Variants in CHD9 observed in about 807,000 individuals in gnomAD.
The protein encoded by CHD9 is ATP-dependent chromatin remodeler CHD9.
In CHD9, 77 loss-of-function variants were observed where a neutral mutation model predicts 316.1. The observed-to-expected ratio is 0.24, with a 90% CI of 0.20 to 0.29. The LOEUF (loss-of-function observed/expected upper bound fraction) is 0.29, where lower values mean the gene tolerates loss of function less well. CHD9 is among the 10% of genes least tolerant of loss of function. CHD9 has a pLI of 1.00. For synonymous variants in CHD9, 1,129 were observed against 1,158.3 expected (o/e 0.97, Z 0.51); for missense variants, 2,763 against 3,438.1 (o/e 0.80, Z 4.91).
At chr16:53,319,869 C>T in intron 37 of CHD9, 1 of 1,225,700 alleles carries the variant, frequency 8.2e-7, no homozygotes, top group Non-Finnish European at 1.1e-6. Context: ...TCCCCATAAA[C>T]CCCCAAGAGG....
chr16:53,326,389 T>C lies in CHD9; in HGVS notation c.*1494T>C, dbSNP rs1567699757. The C allele has an allele frequency of 6.6e-6, 1 of 152,488 alleles. No individual in the cohort carries two copies. The highest frequency in any genetic ancestry group is 1.5e-5 in the Non-Finnish European group (1 of 67,926). 9.4% of individuals were successfully genotyped at this position (152,488 alleles called of 1,614,324 possible). On this transcript the variant is annotated 3_prime_UTR_variant, in exon 39 of 39. Coordinates refer to ENST00000447540, the MANE Select transcript of CHD9 (RefSeq NM_001308319.2). ...TCCCAGTTCTCTCCTACAGAAAAAA[T>C]ACTTTCAGTATGTTTTGATAAAACT...
intron 1 of CHD9, among the ~76,000 whole-genome samples, chr16:53,153,170 A>C (rs2041252950): frequency 6.6e-6 from 1 of 152,238 alleles, no homozygotes; most frequent in Non-Finnish European, 1.5e-5. Context: ...CAATTTCAAG[A>C]GAGAATGGCA....
intron 1 of CHD9, among the ~76,000 whole-genome samples, chr16:53,130,625 G>A (rs962380272): frequency 4.0e-5 from 6 of 151,426 alleles, no homozygotes; most frequent in Admixed American, 6.6e-5. Context: ...TCCCCGCCCC[G>A]AGGCCGCCCA....
In CHD9 at chr16:53,163,368, G is replaced by A. The variant is rs560909029; in HGVS notation, c.1452+5827G>A. On this transcript the variant is annotated intron_variant, in intron 2 of 38. Coordinates refer to ENST00000447540, the MANE Select transcript of CHD9 (RefSeq NM_001308319.2). ...TGGGATTACAGGAATGCGCCACCAC[G>A]CCCGGCTAATTTTGTATTTTTAGTA... Among the ~76,000 whole-genome samples, 10 of 152,094 alleles carry A rather than the reference G, an allele frequency of 6.6e-5. No individual in the cohort carries two copies. In the East Asian group the frequency reaches 9.7e-4, roughly 15 times the overall value.
rs35052198 is a variant in CHD9, at chr16:53,088,275, C to CTTTTTTTTTTTTTTTTTT, written c.-165+33201_-165+33202insTTTTTTTTTTTTTTTTTT. ...CTGTAATCAAGGAAAATGACATGCA[C>CTTTTTTTTTTTTTTTTTT]TTTGTTTTTTTTTTTTTTTTGAGAT... On this transcript the variant is annotated intron_variant, in intron 1 of 38. Coordinates refer to ENST00000447540, the MANE Select transcript of CHD9 (RefSeq NM_001308319.2). 1.6e-5 allele frequency among the ~76,000 whole-genome samples: 2 copies of CTTTTTTTTTTTTTTTTTT among 127,050 alleles called. 1 individual carries two copies. The allele number at this position is 127,050 out of a possible 152,430, so 83.3% of individuals were successfully genotyped here.
intron 24 of CHD9, among the ~76,000 whole-genome samples, chr16:53,277,203 T>C (rs2052929614): frequency 6.6e-6 from 1 of 152,136 alleles, no homozygotes; most frequent in Non-Finnish European, 1.5e-5. Flanking sequence ...TACCAATCCT[T>C]TTGACACTAT....
At chr16:53,285,048 TG>T (rs1395435174) in intron 24 of CHD9, among the ~76,000 whole-genome samples, 1 of 152,178 alleles carries the variant, frequency 6.6e-6, no homozygotes, top group African/African-American at 2.4e-5. Flanking sequence ...ATTACATACA[TG>T]AGCCACTGTG....
At chr16:53,320,005 T>C (rs1304160331) in intron 37 of CHD9, 14 of 320,448 alleles carry the variant, frequency 4.4e-5, no homozygotes. Flanking sequence ...TCTTTAAATA[T>C]ATTATATAAA....
chr16:53,114,527 G>A (rs1442733576), intron 1 of CHD9, among the ~76,000 whole-genome samples: 1 of 151,828 alleles, frequency 6.6e-6, no homozygotes, highest in East Asian at 1.9e-4. Flanking sequence ...CAAAGTGCTG[G>A]GATTACAGGC....
chr16:53,256,256 G>C (rs187979894), intron 19 of CHD9, among the ~76,000 whole-genome samples: 12 of 151,972 alleles, frequency 7.9e-5, no homozygotes, highest in Admixed American at 3.9e-4. Context: ...GAGGTCAGGA[G>C]TATCTAAGTC....
chr16:53,287,048 C>A (rs2053938559), intron 26 of CHD9, among the ~76,000 whole-genome samples: 1 of 152,166 alleles, frequency 6.6e-6, no homozygotes, highest in African/African-American at 2.4e-5. Context: ...CAGCCTTGAC[C>A]TCCCAGGCTC....
At chr16:53,077,965 T>C (rs961453697) in intron 1 of CHD9, among the ~76,000 whole-genome samples, 5 of 152,108 alleles carry the variant, frequency 3.3e-5, no homozygotes, top group Admixed American at 6.5e-5. Context: ...TCCCAGCTAC[T>C]TGGGGAGCTG....
chr16:53,080,246 G>A (rs550581786), intron 1 of CHD9, among the ~76,000 whole-genome samples: 23 of 152,220 alleles, frequency 1.5e-4, no homozygotes, highest in Non-Finnish European at 2.6e-4. Context: ...GGCAAGAAGG[G>A]TTTTTTTCTT....
intron 1 of CHD9, among the ~76,000 whole-genome samples, chr16:53,090,956 C>T (rs1390926647): frequency 1.3e-5 from 2 of 152,154 alleles, no homozygotes; most frequent in Non-Finnish European, 2.9e-5. Context: ...ATTTGCTAGG[C>T]ATCTGCTGCC....
chr16:53,314,045 GC>G (rs1332625304), intron 34 of CHD9, among the ~76,000 whole-genome samples: 4 of 151,868 alleles, frequency 2.6e-5, no homozygotes, highest in African/African-American at 9.7e-5. Context: ...AAAAAAACAA[GC>G]TTTTGAAAGT....
intron 1 of CHD9, among the ~76,000 whole-genome samples, chr16:53,140,779 C>T (rs1256280436): frequency 6.6e-6 from 1 of 152,184 alleles, no homozygotes; most frequent in Non-Finnish European, 1.5e-5. Flanking sequence ...TTTGGAGAGA[C>T]TGGGTCTCGC....
At chr16:53,115,634 A>G (rs189041621) in intron 1 of CHD9, among the ~76,000 whole-genome samples, 3 of 152,362 alleles carry the variant, frequency 2.0e-5, no homozygotes, top group South Asian at 2.1e-4. Context: ...TGCCAGAACA[A>G]TATGGGTATG....
At chr16:53,300,114 G>A (rs2055217297) in intron 30 of CHD9, among the ~76,000 whole-genome samples, 1 of 152,130 alleles carries the variant, frequency 6.6e-6, no homozygotes, top group South Asian at 2.1e-4. Context: ...AACACTTTGG[G>A]AGGCCGAGGC....
chr16:53,201,169 A>G (rs11075788), intron 2 of CHD9, among the ~76,000 whole-genome samples: 67,415 of 151,978 alleles, frequency 0.44, 15,375 homozygotes, highest in South Asian at 0.57. Context: ...ATGGACTGAT[A>G]AATTCAGCAT....
Sources: allele counts gnomAD v4.1 joint callset (sites outside exome capture counted in the v4.1 genomes callset), GRCh38; gene constraint gnomAD v4.1.1; transcripts MANE v1.5; gene names NCBI Gene and HGNC (gene_info 2026-07-23, HGNC 2026-07-21).